The following UGT2A1 variants were observed in gnomAD, a reference collection of about 807,000 sequenced individuals.
UGT2A1 encodes UDP-glucuronosyltransferase 2A1.
Under a neutral mutation model 45.4 loss-of-function variants are expected in UGT2A1, and 61 were observed. The ratio of observed to expected loss-of-function variants is 1.34; its 90% CI spans 1.09 to 1.66. UGT2A1 has a LOEUF of 1.66. UGT2A1 is among the 40% of genes most tolerant of loss of function. The pLI is 0.00. For missense variants in UGT2A1, 649 were observed against 574.3 expected, an observed-to-expected ratio of 1.13 and a Z score of -1.33; for synonymous variants, 229 against 196.2, an observed-to-expected ratio of 1.17 and a Z score of -1.40.
intron 2 of UGT2A1, among the ~76,000 whole-genome samples, chr4:69,641,827 C>G (rs79442233): frequency 0.045 from 6,875 of 151,784 alleles, 217 homozygotes; most frequent in Middle Eastern, 0.068. Context: ...TGACATAATG[C>G]AGGTAAATGA....
intron 2 of UGT2A1, among the ~76,000 whole-genome samples, chr4:69,636,955 C>T (rs1186393034): frequency 2.0e-5 from 3 of 152,104 alleles, no homozygotes; most frequent in Non-Finnish European, 4.4e-5. Context: ...GGACCCTTCA[C>T]CTTGTTACTT....
chr4:69,648,422 C>T (rs1209650943), intron 1 of UGT2A1, among the ~76,000 whole-genome samples: 1 of 151,790 alleles, frequency 6.6e-6, no homozygotes, highest in Non-Finnish European at 1.5e-5. Flanking sequence ...CATACATCTA[C>T]CAAAAGTGCT....
chr4:69,619,298 C>T (rs533173323), intron 3 of UGT2A1, among the ~76,000 whole-genome samples: 165 of 151,774 alleles, frequency 1.1e-3, no homozygotes, highest in African/African-American at 3.9e-3. Flanking sequence ...TACTTTGGAA[C>T]TGAGGTGGGA....
intron 2 of UGT2A1, among the ~76,000 whole-genome samples, chr4:69,641,128 A>G (rs1193625937): frequency 1.3e-5 from 2 of 151,930 alleles, no homozygotes; most frequent in Non-Finnish European, 2.9e-5. Context: ...TTATCAAAAT[A>G]TGCTCCAAAA....
At chr4:69,609,802 A>G (rs575328915) in intron 3 of UGT2A1, among the ~76,000 whole-genome samples, 99 of 152,312 alleles carry the variant, frequency 6.5e-4, no homozygotes, top group Middle Eastern at 6.8e-3. Context: ...TGCATTCCAC[A>G]AAAAAATTAC....
intron 3 of UGT2A1, among the ~76,000 whole-genome samples, chr4:69,620,085 G>A (rs1395067171): frequency 6.6e-6 from 1 of 151,988 alleles, no homozygotes; most frequent in Non-Finnish European, 1.5e-5. Flanking sequence ...AGACAAGTAT[G>A]CCCTCTCTCA....
intron 3 of UGT2A1, among the ~76,000 whole-genome samples, chr4:69,630,864 C>A (rs1159427520): frequency 6.6e-6 from 1 of 151,848 alleles, no homozygotes; most frequent in Non-Finnish European, 1.5e-5. Flanking sequence ...TACTATATAT[C>A]AATTATACAT....
Position 69,602,401 on chromosome 4 carries a change from A to C in UGT2A1, c.848-3007T>G, listed in dbSNP as rs1305652706. Among the ~76,000 whole-genome samples, 5 of 137,534 alleles carry C rather than the reference A, an allele frequency of 3.6e-5. 1 individual carries two copies. The highest frequency in any genetic ancestry group is 1.5e-4 in the African/African-American group (5 of 34,212). The allele number at this position is 137,534 out of a possible 152,430, so 90.2% of individuals were successfully genotyped here. A position where few individuals can be genotyped will look rare whatever the true frequency, so the allele number is the denominator to read the frequency against. ...TATGTACTAATGACAACTTTAATTC[A>C]ACAATACTTTACTGCAGTTAAACAA... is the stretch of plus-strand genomic sequence containing the variant. On this transcript the variant is annotated intron_variant, in intron 3 of 6. Transcript: ENST00000286604.
chr4:69,652,759 T>C (rs1238576316), intron 1 of UGT2A1, among the ~76,000 whole-genome samples: 2 of 152,200 alleles, frequency 1.3e-5, no homozygotes, highest in Non-Finnish European at 2.9e-5. Context: ...TCATGTGTTG[T>C]CTTAAGGACC....
intron 3 of UGT2A1, among the ~76,000 whole-genome samples, chr4:69,633,479 C>G (rs1721500479): frequency 1.3e-5 from 2 of 152,022 alleles, no homozygotes; most frequent in South Asian, 4.2e-4. Context: ...CATGTATTCA[C>G]CAATATTAGG....
rs534173228 is a variant in UGT2A1, at chr4:69,630,437, G to A, written c.847+5254C>T. 5.9e-5 allele frequency among the ~76,000 whole-genome samples: 9 copies of A among 152,074 alleles called. No homozygotes were observed. The South Asian group carries it at 1.9e-3, about 32-fold the overall frequency. On this transcript the variant is annotated intron_variant, in intron 3 of 6. Coordinates refer to ENST00000286604, the MANE Select transcript of UGT2A1 (RefSeq NM_001252275.3). ...CTTTGTCATTTCCCCAGCACCACAA[G>A]CCATAGTTTTTATCAACCATCACTA...
intron 2 of UGT2A1, among the ~76,000 whole-genome samples, chr4:69,643,363 C>G (rs1055330484): frequency 2.0e-5 from 3 of 151,548 alleles, no homozygotes; most frequent in Non-Finnish European, 4.4e-5. Flanking sequence ...ATTCCTAGAA[C>G]AAGGAAATAT....
chr4:69,618,186 C>A (rs1453074954), intron 3 of UGT2A1, among the ~76,000 whole-genome samples: 1 of 51,148 alleles, frequency 2.0e-5, no homozygotes, highest in Non-Finnish European at 3.9e-5. Flanking sequence ...GGCCAGTAAG[C>A]ATGTGTGTGT....
rs138333449 is a variant in UGT2A1, at chr4:69,645,029, C to T, written c.715+1901G>A. ...ACCCACTGTTTTACACAGTGCACTT[C>T]GTCATCTTTAAATTATTTTTAATAG... is the stretch of plus-strand genomic sequence containing the variant. On this transcript the variant is annotated intron_variant, in intron 2 of 6. Coordinates refer to ENST00000286604, the MANE Select transcript of UGT2A1 (RefSeq NM_001252275.3). Among the ~76,000 whole-genome samples the T allele has an allele frequency of 2.6e-5, 4 of 151,812 alleles. No individual in the cohort carries two copies. In the East Asian group the frequency reaches 7.7e-4, roughly 29 times the overall value.
At chr4:69,640,652 T>A (rs1342180432) in intron 2 of UGT2A1, among the ~76,000 whole-genome samples, 1 of 151,798 alleles carries the variant, frequency 6.6e-6, no homozygotes, top group Non-Finnish European at 1.5e-5. Context: ...AGAAAATAAG[T>A]GACAGATTTT....
chr4:69,615,866 T>C (rs563279104), intron 3 of UGT2A1, among the ~76,000 whole-genome samples: 1 of 151,504 alleles, frequency 6.6e-6, no homozygotes, highest in Admixed American at 6.6e-5. Flanking sequence ...CTCAAAAAAC[T>C]AAAAATAAAA....
At chr4:69,637,894 G>A (rs1721803618) in intron 2 of UGT2A1, among the ~76,000 whole-genome samples, 1 of 150,068 alleles carries the variant, frequency 6.7e-6, no homozygotes, top group African/African-American at 2.5e-5. Flanking sequence ...AAAAAAGGAA[G>A]GAAGGCAAGA....
intron 1 of UGT2A1, among the ~76,000 whole-genome samples, chr4:69,648,228 A>G (rs917129204): frequency 3.3e-5 from 5 of 149,626 alleles, no homozygotes; most frequent in African/African-American, 1.2e-4. Flanking sequence ...TTCAAATAAT[A>G]CTTATAAATA....
At chr4:69,650,274 G>A (rs1408047827) in intron 1 of UGT2A1, among the ~76,000 whole-genome samples, 1 of 152,068 alleles carries the variant, frequency 6.6e-6, no homozygotes, top group Non-Finnish European at 1.5e-5. Flanking sequence ...ACACACAGCA[G>A]TACCTACTAG....
Sources: gnomAD v4.1 joint callset for allele counts (sites outside exome capture counted in the v4.1 genomes callset) on GRCh38, gnomAD v4.1.1 for gene constraint, MANE v1.5 for transcripts, NCBI Gene and HGNC (gene_info 2026-07-23, HGNC 2026-07-21) for gene names.